The following PLCE1 variants were observed in gnomAD, a reference collection of about 807,000 sequenced individuals.
The protein encoded by PLCE1 is phospholipase C epsilon 1, also known as 1-phosphatidylinositol 4,5-bisphosphate phosphodiesterase epsilon-1.
PLCE1 carries 119 observed loss-of-function variants against 242.8 expected under a neutral mutation model. The observed-to-expected ratio is 0.49, with a 90% CI of 0.42 to 0.57. The LOEUF is 0.57. PLCE1 is among the 20% of genes least tolerant of loss of function. PLCE1 has a pLI of 0.00. For missense variants in PLCE1, 2,441 were observed against 2,788.8 expected (o/e 0.88, Z 2.81); for synonymous variants, 945 against 1,017.4 (o/e 0.93, Z 1.35).
intron 4 of PLCE1, among the ~76,000 whole-genome samples, chr10:94,213,125 T>G (rs1257081533): frequency 6.6e-6 from 1 of 152,228 alleles, no homozygotes; most frequent in Admixed American, 6.5e-5. Flanking sequence ...ACTCCCCAGT[T>G]ACAGGATCTC....
intron 3 of PLCE1, among the ~76,000 whole-genome samples, chr10:94,136,091 GAA>G (rs2135950679): frequency 6.6e-6 from 1 of 152,338 alleles, no homozygotes; most frequent in African/African-American, 2.4e-5. Context: ...AAACATGTTT[GAA>G]GTGAATTAAA....
chr10:94,183,669 A>C (rs1256301887), intron 4 of PLCE1, among the ~76,000 whole-genome samples: 1 of 152,204 alleles, frequency 6.6e-6, no homozygotes, highest in Non-Finnish European at 1.5e-5. Flanking sequence ...TAATGTATGA[A>C]GAAAAGAGGT....
intron 1 of PLCE1, among the ~76,000 whole-genome samples, chr10:93,997,170 A>G (rs1449632437): frequency 6.6e-6 from 1 of 152,228 alleles, no homozygotes; most frequent in East Asian, 1.9e-4. Flanking sequence ...CCAAAATCAA[A>G]AAAGCTCTAA....
At chr10:94,270,635 T>C (rs778489876) in intron 18 of PLCE1, 33 bp downstream of exon 18, 5 of 1,264,420 alleles carry the variant, frequency 4.0e-6, no homozygotes, top group South Asian at 1.2e-5. Context: ...GGATGGTATG[T>C]TGGCCCTTGT....
At chr10:94,183,798 G>A (rs2048384958) in intron 4 of PLCE1, among the ~76,000 whole-genome samples, 1 of 152,064 alleles carries the variant, frequency 6.6e-6, no homozygotes, top group South Asian at 2.1e-4. Flanking sequence ...CACGTCATGG[G>A]GCAAGAATGA....
intron 4 of PLCE1, among the ~76,000 whole-genome samples, chr10:94,220,376 T>TTATATATATATATATATATA (rs59633337): frequency 2.3e-4 from 14 of 61,906 alleles, no homozygotes; most frequent in Non-Finnish European, 3.2e-4. Flanking sequence ...ACTAAACATT[T>TTATATATATATATATATATA]TATATATATA....
chr10:94,156,254 C>G (rs1318312530), intron 3 of PLCE1, among the ~76,000 whole-genome samples: 1 of 152,184 alleles, frequency 6.6e-6, no homozygotes, highest in East Asian at 1.9e-4. Flanking sequence ...CATTTTCCAC[C>G]TGGAGCTAGC....
chr10:94,288,715 G>A (rs1266259035), intron 22 of PLCE1, among the ~76,000 whole-genome samples: 1 of 152,164 alleles, frequency 6.6e-6, no homozygotes, highest in African/African-American at 2.4e-5. Flanking sequence ...ATTCCATGGT[G>A]AGGCTCGTCC....
In PLCE1 at chr10:94,269,384, G is replaced by A. The variant is rs535199355; in HGVS notation, c.4389+348G>A. On this transcript the variant is annotated intron_variant, in intron 17 of 32. Coordinates refer to ENST00000371380, the MANE Select transcript of PLCE1 (RefSeq NM_016341.4). ...CTCCCAAAGTACCGGGATTACAGACGTGAGCCACCGTGCCTGGCCTTCATT... is the reference window on the plus strand; with the variant it reads ...CTCCCAAAGTACCGGGATTACAGACATGAGCCACCGTGCCTGGCCTTCATT... Among the ~76,000 whole-genome samples the A allele has an allele frequency of 6.6e-5, 10 of 152,110 alleles. No individual in the cohort carries two copies. In the East Asian group the frequency reaches 1.4e-3, roughly 21 times the overall value.
intron 3 of PLCE1, among the ~76,000 whole-genome samples, chr10:94,160,602 G>T (rs1177300140): frequency 1.3e-5 from 2 of 152,142 alleles, no homozygotes; most frequent in African/African-American, 4.8e-5. Context: ...TTCTTTTGCT[G>T]TGCAGAAGCT....
At chr10:94,323,758 T>A (rs6583938) in intron 30 of PLCE1, among the ~76,000 whole-genome samples, 5,110 of 152,320 alleles carry the variant, frequency 0.034, 290 homozygotes, top group African/African-American at 0.11. Flanking sequence ...TTACATTTCT[T>A]TAACTTATCT....
chr10:94,087,667 T>G (rs1017093113), intron 2 of PLCE1, among the ~76,000 whole-genome samples: 1 of 152,086 alleles, frequency 6.6e-6, no homozygotes, highest in Non-Finnish European at 1.5e-5. Context: ...GGCCTTGAAC[T>G]CCTGACCTCA....
At chr10:94,088,452 A>G (rs2044930125) in intron 2 of PLCE1, among the ~76,000 whole-genome samples, 3 of 152,132 alleles carry the variant, frequency 2.0e-5, no homozygotes, top group African/African-American at 4.8e-5. Context: ...GACCTCTCAC[A>G]TCTCCTGTTT....
At chr10:94,078,869 C>T (rs184174709) in intron 2 of PLCE1, among the ~76,000 whole-genome samples, 109 of 152,242 alleles carry the variant, frequency 7.2e-4, no homozygotes, top group South Asian at 4.1e-3. Context: ...CAAATCTGAC[C>T]TCCACAACAA....
chr10:94,065,277 G>T (rs1484045214), intron 2 of PLCE1, among the ~76,000 whole-genome samples: 2 of 152,152 alleles, frequency 1.3e-5, no homozygotes, highest in African/African-American at 4.8e-5. Flanking sequence ...GATTGCACTG[G>T]ATTGGTGATA....
chr10:94,237,953 C>T (rs1280053572), intron 7 of PLCE1, among the ~76,000 whole-genome samples: 1 of 152,178 alleles, frequency 6.6e-6, no homozygotes, highest in Non-Finnish European at 1.5e-5. Context: ...GTTCACTTGG[C>T]AACAACCAGC....
chr10:94,176,051 T>G (rs964263412), intron 4 of PLCE1, among the ~76,000 whole-genome samples: 3 of 152,128 alleles, frequency 2.0e-5, no homozygotes, highest in Non-Finnish European at 4.4e-5. Flanking sequence ...TTCAATAGAT[T>G]GGTTTTCTTT....
chr10:94,235,309 G>A (rs1359859809), intron 6 of PLCE1, among the ~76,000 whole-genome samples: 2 of 151,990 alleles, frequency 1.3e-5, no homozygotes, highest in Non-Finnish European at 1.5e-5. Context: ...GAAGACTCCC[G>A]GGCCACACCC....
chr10:94,078,763 G>A (rs180982011), intron 2 of PLCE1, among the ~76,000 whole-genome samples: 66 of 152,292 alleles, frequency 4.3e-4, no homozygotes, highest in South Asian at 3.9e-3. Flanking sequence ...GATTACAGGC[G>A]TGAGCCACCA....
Sources: gnomAD v4.1 joint callset for allele counts (sites outside exome capture counted in the v4.1 genomes callset) on GRCh38, gnomAD v4.1.1 for gene constraint, MANE v1.5 for transcripts, NCBI Gene and HGNC (gene_info 2026-07-23, HGNC 2026-07-21) for gene names.